PIEZO2: variants seen among roughly 807,000 people sequenced by gnomAD.
PIEZO2 encodes piezo type mechanosensitive ion channel component 2.
In PIEZO2, 172 loss-of-function variants were observed where a neutral mutation model predicts 337.3. The observed-to-expected ratio is 0.51, with a 90% CI of 0.45 to 0.58. PIEZO2 has a LOEUF of 0.58. PIEZO2 is among the 20% of genes least tolerant of loss of function. The probability of loss-of-function intolerance (pLI) is 0.00; values close to 1 mark genes in which losing one functional copy is unlikely to be tolerated. For missense variants in PIEZO2, 3,028 were observed against 3,391.3 expected (o/e 0.89, Z 2.66); for synonymous variants, 1,251 against 1,228.5 (o/e 1.02, Z -0.38).
intron 27 of PIEZO2, among the ~76,000 whole-genome samples, chr18:10,756,319 G>C (rs575239996): frequency 6.6e-6 from 1 of 150,938 alleles, no homozygotes; most frequent in African/African-American, 2.4e-5. Context: ...GGAGGATGAA[G>C]AGGAAGGATG....
intron 49 of PIEZO2, among the ~76,000 whole-genome samples, chr18:10,684,408 G>A (rs1174211746): frequency 2.0e-5 from 3 of 149,736 alleles, no homozygotes; most frequent in African/African-American, 4.9e-5. Context: ...CTCGTGATCT[G>A]CCCGCCTCGG....
At chr18:10,932,289 G>C (rs908432502) in intron 3 of PIEZO2, among the ~76,000 whole-genome samples, 3 of 152,202 alleles carry the variant, frequency 2.0e-5, no homozygotes, top group Non-Finnish European at 4.4e-5. Context: ...CCAGCTACTG[G>C]GGAGGCTGAG....
rs1197807664 is a variant in PIEZO2 at position 10,863,470 on chromosome 18, C to T, written c.493-6259G>A. 6.6e-6 allele frequency among the ~76,000 whole-genome samples: 1 copy of T among 152,192 alleles called. No individual in the cohort carries two copies. Among genetic ancestry groups the T allele is most frequent in the Non-Finnish European group, 1.5e-5 (1 of 68,040 alleles). On this transcript the variant is annotated intron_variant, in intron 5 of 55. Coordinates refer to ENST00000674853, the MANE Select transcript of PIEZO2 (RefSeq NM_001378183.1). The surrounding 1 kb of genome is among the most constrained non-coding windows in gnomAD (Gnocchi z 4.3). ...TGGAAAAGTGAGTGTATAGATGTTG[C>T]TTTCAACCACCATCTACAAAGCAAT...
In PIEZO2 at chr18:11,016,315, G is replaced by A. The variant is rs766906451; in HGVS notation, c.161-36655C>T. Among the ~76,000 whole-genome samples, 2 of 152,178 alleles carry A rather than the reference G, an allele frequency of 1.3e-5. No homozygotes were observed. The highest frequency in any genetic ancestry group is 2.4e-5 in the African/African-American group (1 of 41,432). ...TCACAGGAGAGACACAGAATGTGGCGGTAGAGACGGTCAGAGCGAAAAAAC... is the reference window on the plus strand; with the variant it reads ...TCACAGGAGAGACACAGAATGTGGCAGTAGAGACGGTCAGAGCGAAAAAAC... On this transcript the variant is annotated intron_variant, in intron 2 of 55. Transcript: ENST00000674853. The surrounding 1 kb of genome is among the most constrained non-coding windows in gnomAD (Gnocchi z 5.6).
At position 10,723,635 on chromosome 18, in the gene PIEZO2, T is replaced by G. The variant is rs527295682; in HGVS notation, c.5030-5376A>C. On this transcript the variant is annotated intron_variant, in intron 36 of 55. Transcript: ENST00000674853. ...AGAGAGGAGAAATGCTGGAAGGGAG[T>G]TGCTGACCAGACAAGGGAGCTCGGC... 6.6e-5 allele frequency among the ~76,000 whole-genome samples: 10 copies of G among 151,612 alleles called. No individual in the cohort carries two copies. The East Asian group carries it at 1.6e-3, about 24-fold the overall frequency.
At chr18:11,014,435 C>T (rs1168668659) in intron 2 of PIEZO2, among the ~76,000 whole-genome samples, 1 of 150,024 alleles carries the variant, frequency 6.7e-6, no homozygotes, top group Non-Finnish European at 1.5e-5. Context: ...CGATCCGGAG[C>T]CCCTCATTCC....
intron 2 of PIEZO2, among the ~76,000 whole-genome samples, chr18:11,036,887 T>C (rs189925458): frequency 5.5e-4 from 84 of 152,324 alleles, no homozygotes; most frequent in African/African-American, 1.9e-3. Flanking sequence ...CGTAATTATA[T>C]TGCAATAGAT....
rs115984245 is a variant in PIEZO2 at position 11,141,574 on chromosome 18, G to C, written c.64+6951C>G. Among the ~76,000 whole-genome samples the C allele has an allele frequency of 3.1e-3, 477 of 152,312 alleles. 1 individual carries two copies. Among genetic ancestry groups the C allele is most frequent in the African/African-American group, 0.011 (448 of 41,560 alleles). ...GGGCAAAACTTAGAAGCGTGCCCTT[G>C]AACAAGGTGCTTGGTGTGGACAGCA... On this transcript the variant is annotated intron_variant, in intron 1 of 55. Coordinates refer to ENST00000674853, the MANE Select transcript of PIEZO2 (RefSeq NM_001378183.1).
In PIEZO2 at chr18:10,750,033, A is replaced by G; in HGVS notation, c.4264+58T>C. ...TTTGGCCCACTTTTAAAACTAGAAC[A>G]ATACAACTATCCTCCCTCTTCTGCC... On this transcript the variant is annotated intron_variant, in intron 29 of 55. Coordinates refer to ENST00000674853, the MANE Select transcript of PIEZO2 (RefSeq NM_001378183.1). This position sits in a 1 kb window ranked among gnomAD's most constrained non-coding sequence, Gnocchi z 4.1. 7.6e-7 allele frequency: 1 copy of G among 1,320,892 alleles called. No homozygotes were observed. Among genetic ancestry groups the G allele is most frequent in the Non-Finnish European group, 1.1e-6 (1 of 950,390 alleles). The allele number at this position is 1,320,892 out of a possible 1,614,324, so 81.8% of individuals were successfully genotyped here. A position where few individuals can be genotyped will look rare whatever the true frequency, so the allele number is the denominator to read the frequency against.
At chr18:10,725,370 A>G in intron 36 of PIEZO2, 2 of 1,606,190 alleles carry the variant, frequency 1.2e-6, no homozygotes, top group Non-Finnish European at 1.7e-6. Context: ...CCAGGCGGTG[A>G]TGATGGTGGA....
chr18:10,951,845 T>C (rs931375659), intron 3 of PIEZO2, among the ~76,000 whole-genome samples: 5 of 152,188 alleles, frequency 3.3e-5, no homozygotes, highest in African/African-American at 1.2e-4. Context: ...TAGAACACTT[T>C]GGGGACAAGA....
Position 10,670,631 on chromosome 18 carries a change from G to A in PIEZO2, c.*896C>T, listed in dbSNP as rs1215748289. 6.6e-6 allele frequency: 1 copy of A among 152,248 alleles called. No homozygotes were observed. Among genetic ancestry groups the A allele is most frequent in the African/African-American group, 2.4e-5 (1 of 41,438 alleles). 9.4% of individuals were successfully genotyped at this position (152,248 alleles called of 1,614,324 possible). On this transcript the variant is annotated 3_prime_UTR_variant, in exon 56 of 56. Coordinates refer to ENST00000674853, the MANE Select transcript of PIEZO2 (RefSeq NM_001378183.1). ...ACCATTGCCTTAAATCATGGAAATGGGAAAAAGCACGTTAAGGGAAGGGGA... is the reference window on the plus strand; with the variant it reads ...ACCATTGCCTTAAATCATGGAAATGAGAAAAAGCACGTTAAGGGAAGGGGA...
chr18:10,677,738 T>C lies in PIEZO2; in HGVS notation c.8081+9A>G. 1.2e-6 allele frequency: 2 copies of C among 1,605,964 alleles called. No individual in the cohort carries two copies. The highest frequency in any genetic ancestry group is 4.5e-5 in the East Asian group (2 of 44,792). Reference sequence around the variant, plus strand: ...ACAAAGCTCTATTAGTAGGAAAAAATACACTTACACTGGTGTTTTTGAACT... The same window carrying C: ...ACAAAGCTCTATTAGTAGGAAAAAACACACTTACACTGGTGTTTTTGAACT... On this transcript the variant is annotated intron_variant, in intron 53 of 55. Coordinates refer to ENST00000674853, the MANE Select transcript of PIEZO2 (RefSeq NM_001378183.1). This position sits in a 1 kb window ranked among gnomAD's most constrained non-coding sequence, Gnocchi z 4.1.
At chr18:10,741,824 A>G (rs1409335342) in intron 32 of PIEZO2, among the ~76,000 whole-genome samples, 1 of 152,192 alleles carries the variant, frequency 6.6e-6, no homozygotes, top group East Asian at 1.9e-4. Context: ...AAAAGATAGC[A>G]GTATACTGTA....
At position 10,857,075 on chromosome 18, in the gene PIEZO2, T is replaced by C; in HGVS notation, c.629A>G (p.Lys210Arg). Residue 210 changes from lysine to arginine, a missense_variant, in exon 6 of 56, where the codon AAG (lysine) becomes AGG (arginine). Coordinates refer to ENST00000674853, the MANE Select transcript of PIEZO2 (RefSeq NM_001378183.1). Reference protein sequence around the residue: ...MFRRLASVASKLKEFIGNMIT... With the variant: ...MFRRLASVASRLKEFIGNMIT... ...CATGTTGCCAATGAACTCCTTGAGC[T>C]TAGAGGCCACAGAGGCAAGCCTGCG... 1 of 1,537,424 alleles carries C rather than the reference T, an allele frequency of 6.5e-7. No homozygotes were observed. Among genetic ancestry groups the C allele is most frequent in the Non-Finnish European group, 8.7e-7 (1 of 1,146,948 alleles).
At chr18:10,798,037 C>A (rs923384381) in intron 11 of PIEZO2, among the ~76,000 whole-genome samples, 2 of 152,248 alleles carry the variant, frequency 1.3e-5, no homozygotes, top group African/African-American at 4.8e-5. Flanking sequence ...GGTGTGAGAA[C>A]TGATGGCTCT....
intron 1 of PIEZO2, among the ~76,000 whole-genome samples, chr18:11,086,157 A>T (rs1216214620): frequency 6.6e-6 from 1 of 152,184 alleles, no homozygotes; most frequent in Non-Finnish European, 1.5e-5. Flanking sequence ...GTGTCATAAA[A>T]ATTAATGTGA....
chr18:11,133,622 A>C (rs1394025408), intron 1 of PIEZO2, among the ~76,000 whole-genome samples: 1 of 152,128 alleles, frequency 6.6e-6, no homozygotes. Flanking sequence ...AGATGGGCCT[A>C]ACTTCCCAGT....
At position 11,127,968 on chromosome 18, in the gene PIEZO2, C is replaced by G. The variant is rs2040234971; in HGVS notation, c.64+20557G>C. On this transcript the variant is annotated intron_variant, in intron 1 of 55. Transcript: ENST00000674853. This position sits in a 1 kb window ranked among gnomAD's most constrained non-coding sequence, Gnocchi z 4.5. ...AGTTGGCTGCTTAGTATGATTAGAC[C>G]TGAAAATGCTAAGGACTCTACTGCT... 6.6e-6 allele frequency among the ~76,000 whole-genome samples: 1 copy of G among 151,950 alleles called. No homozygotes were observed. Among genetic ancestry groups the G allele is most frequent in the East Asian group, 1.9e-4 (1 of 5,152 alleles).
Sources: allele counts gnomAD v4.1 joint callset (sites outside exome capture counted in the v4.1 genomes callset), GRCh38; gene constraint gnomAD v4.1.1; non-coding constraint Gnocchi (gnomAD v3.1); transcripts MANE v1.5; gene names NCBI Gene and HGNC (gene_info 2026-07-23, HGNC 2026-07-21).